The following CYP3A4 variants were observed in gnomAD, a reference collection of about 807,000 sequenced individuals.
CYP3A4 encodes the protein cytochrome P450 3A4.
A neutral mutation model predicts 54.9 loss-of-function variants in CYP3A4; 41 were observed. The ratio of observed to expected loss-of-function variants is 0.75; its 90% CI spans 0.58 to 0.97. The LOEUF is 0.97. Ranked by LOEUF, CYP3A4 falls within the 50% of genes least tolerant of loss-of-function variation. The pLI is 0.00. For synonymous variants in CYP3A4, 179 were observed against 205.2 expected (o/e 0.87, Z 1.09); for missense variants, 510 against 597.3 (o/e 0.85, Z 1.52).
At chr7:99,769,467 T>A (rs921499924) in intron 6 of CYP3A4, 5 of 389,870 alleles carry the variant, frequency 1.3e-5, no homozygotes, top group South Asian at 1.2e-4. Flanking sequence ...CTTAAAACTT[T>A]GGTACAATCA....
intron 8 of CYP3A4, chr7:99,766,689 C>T: frequency 3.8e-6 from 2 of 526,186 alleles, no homozygotes; most frequent in Non-Finnish European, 6.7e-6. Flanking sequence ...TACACTTCAG[C>T]AGGTGGCCTG....
chr7:99,782,660 T>G (rs1336320415), intron 1 of CYP3A4, among the ~76,000 whole-genome samples: 1 of 152,166 alleles, frequency 6.6e-6, no homozygotes, highest in African/African-American at 2.4e-5. Flanking sequence ...TCTTTGGAGT[T>G]CTACCCTGAG....
chr7:99,763,871 G>C lies in CYP3A4; in HGVS notation c.1010C>G (p.Ala337Gly). 1 of 1,613,940 alleles carries C rather than the reference G, an allele frequency of 6.2e-7. No individual in the cohort carries two copies. The highest frequency in any genetic ancestry group is 8.5e-7 in the Non-Finnish European group (1 of 1,179,942). The change falls in exon 10 of 13, where the codon GCA becomes GGA. Residue 337 changes from alanine (A) to glycine (G), a missense_variant. Around this residue, in one of 2 missense-constraint regions of CYP3A4, gnomAD observed 238 missense variants for 322.5 expected, o/e 0.74. Coordinates refer to ENST00000651514, the MANE Select transcript of CYP3A4 (RefSeq NM_017460.6). Reference sequence around the variant, plus strand: ...TCCACTCACCTTATTGGGTAAAACTGCATCAATTTCCTCCTGCAGTTTCTG... The same window carrying C: ...TCCACTCACCTTATTGGGTAAAACTCCATCAATTTCCTCCTGCAGTTTCTG... ...VQQKLQEEIDAVLPNKAPPTY... is the reference protein window; with the variant it reads ...VQQKLQEEIDGVLPNKAPPTY...
chr7:99,765,387 A>T (rs1352817998), intron 9 of CYP3A4, among the ~76,000 whole-genome samples: 7 of 151,264 alleles, frequency 4.6e-5, no homozygotes, highest in Admixed American at 6.6e-5. Flanking sequence ...ATTGGGATAG[A>T]TAGATGAATA....
At chr7:99,766,507 A>G (rs1815481087) in intron 8 of CYP3A4, 64 bp from the exon 9 acceptor site, 1 of 1,601,222 alleles carries the variant, frequency 6.2e-7, no homozygotes, top group Non-Finnish European at 8.6e-7. Flanking sequence ...GTAAATCACA[A>G]GCGTGGTCCT....
At chr7:99,761,018 A>G (rs1240699981) in intron 11 of CYP3A4, 37 bp from the exon 12 acceptor site, 1 of 1,607,916 alleles carries the variant, frequency 6.2e-7, no homozygotes, top group Non-Finnish European at 8.5e-7. Flanking sequence ...AAAGTTAATG[A>G]CATAATACCC....
At chr7:99,763,006 G>A (rs1271162328) in intron 10 of CYP3A4, among the ~76,000 whole-genome samples, 1 of 152,230 alleles carries the variant, frequency 6.6e-6, no homozygotes, top group African/African-American at 2.4e-5. Flanking sequence ...TGTTATATTT[G>A]GAAGGCAATA....
chr7:99,762,249 T>C lies in CYP3A4; in HGVS notation c.1045A>G (p.Thr349Ala). The C allele has an allele frequency of 6.2e-7, 1 of 1,614,062 alleles. No individual in the cohort carries two copies. Among genetic ancestry groups the C allele is most frequent in the East Asian group, 2.2e-5 (1 of 44,844 alleles). Residue 349 changes from threonine to alanine, a missense_variant, in exon 11 of 13, where the codon ACT (threonine) becomes GCT (alanine). Coordinates refer to ENST00000651514, the MANE Select transcript of CYP3A4 (RefSeq NM_017460.6). ...LPNKAPPTYD[T>A]VLQMEYLDMV... Reference sequence around the variant, plus strand: ...TCAAGATACTCCATCTGTAGCACAGTATCATAGGTGGGTGGTGCCTGGAAA... The same window carrying C: ...TCAAGATACTCCATCTGTAGCACAGCATCATAGGTGGGTGGTGCCTGGAAA...
At chr7:99,776,512 TA>T (rs990019924) in intron 3 of CYP3A4, among the ~76,000 whole-genome samples, 1 of 151,982 alleles carries the variant, frequency 6.6e-6, no homozygotes, top group Admixed American at 6.5e-5. Flanking sequence ...TATGCAGCCA[TA>T]AAAAAACAAT....
At chr7:99,776,369 C>A (rs531607406) in intron 3 of CYP3A4, among the ~76,000 whole-genome samples, 2 of 152,248 alleles carry the variant, frequency 1.3e-5, no homozygotes, top group East Asian at 3.9e-4. Context: ...ATAAATCATT[C>A]TATGATAAAG....
intron 1 of CYP3A4, among the ~76,000 whole-genome samples, chr7:99,780,592 G>A (rs902894072): frequency 1.3e-5 from 2 of 152,144 alleles, no homozygotes; most frequent in Non-Finnish European, 2.9e-5. Context: ...TTGCTCAGAG[G>A]CTTTTATGCT....
At position 99,768,458 on chromosome 7, in the gene CYP3A4, A is replaced by G. The variant is rs4987161; in HGVS notation, c.566T>C (p.Phe189Ser). The G allele has an allele frequency of 9.9e-6, 16 of 1,614,036 alleles. No individual in the cohort carries two copies. The highest frequency in any genetic ancestry group is 9.3e-6 in the Non-Finnish European group (11 of 1,179,948). ...GTTGAGAGAGTCGATGTTCACTCCA[A>G]ATGATGTGCTAGTGATCACATCCAT... ...YSMDVITSTS[F>S]GVNIDSLNNP... Residue 189 changes from phenylalanine to serine, a missense_variant, in exon 7 of 13, where the codon TTT becomes TCT. By Grantham distance (155) the Phe-to-Ser change is radical (BLOSUM62 -2). This residue lies in a region of CYP3A4 where 272 missense variants were observed against 274.9 expected (regional missense o/e 0.99). Transcript: ENST00000651514.
chr7:99,773,682 G>C (rs1212305724), intron 3 of CYP3A4, among the ~76,000 whole-genome samples: 1 of 152,208 alleles, frequency 6.6e-6, no homozygotes, highest in Non-Finnish European at 1.5e-5. Context: ...GAATCTCTGG[G>C]ACACATTTAA....
At chr7:99,759,808 A>G (rs918892246) in intron 12 of CYP3A4, among the ~76,000 whole-genome samples, 19 of 151,956 alleles carry the variant, frequency 1.3e-4, no homozygotes, top group African/African-American at 4.6e-4. Flanking sequence ...AGGACTTGAA[A>G]GATAAGAACA....
chr7:99,783,210 G>T (rs1354184520), intron 1 of CYP3A4, among the ~76,000 whole-genome samples: 1 of 152,202 alleles, frequency 6.6e-6, no homozygotes, highest in Non-Finnish European at 1.5e-5. Context: ...GAAGTGAAAT[G>T]TGACATGTGA....
At chr7:99,770,675 C>T (rs760437841) in intron 4 of CYP3A4, among the ~76,000 whole-genome samples, 4 of 151,608 alleles carry the variant, frequency 2.6e-5, no homozygotes, top group East Asian at 1.9e-4. Flanking sequence ...GCATGGGCAA[C>T]GTGAAAAAGA....
At chr7:99,780,782 A>G (rs555446666) in intron 1 of CYP3A4, among the ~76,000 whole-genome samples, 1 of 152,318 alleles carries the variant, frequency 6.6e-6, no homozygotes, top group Admixed American at 6.5e-5. Flanking sequence ...AGTCTCTGTG[A>G]TCAGATGATC....
chr7:99,773,428 T>A (rs1437951864), intron 3 of CYP3A4, among the ~76,000 whole-genome samples: 1 of 152,126 alleles, frequency 6.6e-6, no homozygotes, highest in East Asian at 1.9e-4. Flanking sequence ...TATTCTAAAA[T>A]TGACCACATA....
Position 99,762,117 on chromosome 7 carries a change from C to T in CYP3A4, c.1177G>A (p.Val393Met), listed in dbSNP as rs1815350923. The T allele has an allele frequency of 1.2e-5, 19 of 1,613,876 alleles. No homozygotes were observed. Among genetic ancestry groups the T allele is most frequent in the Non-Finnish European group, 1.4e-5 (16 of 1,179,992 alleles). Residue 393 changes from valine to methionine, a missense_variant, in exon 11 of 13, where the codon GTG (valine) becomes ATG (methionine). Val to Met is a conservative substitution (Grantham distance 21). Coordinates refer to ENST00000651514, the MANE Select transcript of CYP3A4 (RefSeq NM_017460.6). ...AGAGCATAGCTTGGAATCATCACCA[C>T]CACCCCTTTGGGAATGAACATCCCA... is the stretch of plus-strand genomic sequence containing the variant. ...INGMFIPKGVVVMIPSYALHR... is the reference protein window; with the variant it reads ...INGMFIPKGVMVMIPSYALHR...
Sources: allele counts gnomAD v4.1 joint callset (sites outside exome capture counted in the v4.1 genomes callset), GRCh38; gene constraint gnomAD v4.1.1; regional missense constraint gnomAD v4.1.1; transcripts MANE v1.5; gene names NCBI Gene and HGNC (gene_info 2026-07-23, HGNC 2026-07-21).